BICD1: variants seen among roughly 807,000 people sequenced by gnomAD.
BICD1 encodes BICD cargo adaptor 1, also known as protein bicaudal D homolog 1.
A neutral mutation model predicts 92.5 loss-of-function variants in BICD1; 35 were observed. The observed-to-expected ratio is 0.38, with a 90% CI of 0.29 to 0.50. BICD1 has a LOEUF of 0.50. Ranked by LOEUF, BICD1 falls within the 20% of genes least tolerant of loss-of-function variation. BICD1 has a pLI of 0.93. For synonymous variants in BICD1, 429 were observed against 465.1 expected, an observed-to-expected ratio of 0.92 and a Z score of 1.00; for missense variants, 950 against 1,189.8, an observed-to-expected ratio of 0.80 and a Z score of 2.97.
At chr12:32,324,230 C>T (rs1490450652) in intron 4 of BICD1, among the ~76,000 whole-genome samples, 1 of 151,920 alleles carries the variant, frequency 6.6e-6, no homozygotes, top group African/African-American at 2.4e-5. Context: ...TGGCGTGTGC[C>T]TGTAGTCCCA....
chr12:32,252,199 T>A (rs1312530), intron 2 of BICD1, among the ~76,000 whole-genome samples: 1 of 130,982 alleles, frequency 7.6e-6, no homozygotes, highest in South Asian at 2.2e-4. Flanking sequence ...ACTATATATT[T>A]TATATATATT....
intron 1 of BICD1, among the ~76,000 whole-genome samples, chr12:32,180,514 T>C (rs1476978384): frequency 6.6e-6 from 1 of 151,988 alleles, no homozygotes; most frequent in Non-Finnish European, 1.5e-5. Flanking sequence ...CCCTTGGCTG[T>C]CTTCATTGAT....
chr12:32,320,368 AC>A (rs1180707751), intron 4 of BICD1, among the ~76,000 whole-genome samples: 1 of 152,176 alleles, frequency 6.6e-6, no homozygotes, highest in Non-Finnish European at 1.5e-5. Context: ...GAGGCTGGGC[AC>A]GGTGGCTCAC....
chr12:32,107,182 G>A lies in BICD1; in HGVS notation c.-150G>A. 2 of 738,716 alleles carry A rather than the reference G, an allele frequency of 2.7e-6. No individual in the cohort carries two copies. The highest frequency in any genetic ancestry group is 3.7e-5 in the South Asian group (2 of 53,928). 45.8% of individuals were successfully genotyped at this position (738,716 alleles called of 1,614,324 possible). A position where few individuals can be genotyped will look rare whatever the true frequency, so the allele number is the denominator to read the frequency against. ...CGGTGTAGCTGCCGCTGCCACCAGA[G>A]CCGGCGGGGCATCGCGCTGCTCATT... On this transcript the variant is annotated 5_prime_UTR_variant, in exon 1 of 10. Transcript: ENST00000652176.
intron 1 of BICD1, among the ~76,000 whole-genome samples, chr12:32,162,130 C>G (rs1471390471): frequency 6.6e-6 from 1 of 152,136 alleles, no homozygotes; most frequent in Non-Finnish European, 1.5e-5. Flanking sequence ...AGCCATCCCT[C>G]GGTCTCACAT....
chr12:32,346,125 G>A (rs1353120439), intron 8 of BICD1, among the ~76,000 whole-genome samples: 1 of 152,110 alleles, frequency 6.6e-6, no homozygotes, highest in East Asian at 1.9e-4. Flanking sequence ...CTCCAGGCTG[G>A]GTGACAGAGC....
chr12:32,158,201 G>A (rs111588004), intron 1 of BICD1, among the ~76,000 whole-genome samples: 5,948 of 151,734 alleles, frequency 0.039, 382 homozygotes, highest in African/African-American at 0.13. Flanking sequence ...CGCCTCCCGG[G>A]TTCAAGCGAT....
intron 3 of BICD1, among the ~76,000 whole-genome samples, chr12:32,303,154 C>T (rs1189799216): frequency 6.6e-6 from 1 of 151,898 alleles, no homozygotes; most frequent in Non-Finnish European, 1.5e-5. Context: ...AGGCTGGTCT[C>T]AAACTCCTGT....
In BICD1 at chr12:32,270,160, CTCTA is replaced by C. The variant is rs562541022; in HGVS notation, c.427-23830_427-23827del. Among the ~76,000 whole-genome samples the C allele has an allele frequency of 4.4e-3, 665 of 150,448 alleles. 4 individuals are homozygous for C. Among genetic ancestry groups the C allele is most frequent in the African/African-American group, 0.016 (639 of 40,570 alleles). ...AATTATTATTATTTAGTTTTATCTT[CTCTA>C]TCTGTTAATGAGAGAGACTAAAATA... On this transcript the variant is annotated intron_variant, in intron 2 of 9. Coordinates refer to ENST00000652176, the MANE Select transcript of BICD1 (RefSeq NM_001714.4).
At chr12:32,108,770 T>C in intron 1 of BICD1, 2 of 627,720 alleles carry the variant, frequency 3.2e-6, no homozygotes, top group East Asian at 2.8e-5. Context: ...AAAAAATAAA[T>C]GTACTACCTA....
intron 8 of BICD1, among the ~76,000 whole-genome samples, chr12:32,364,923 A>G (rs1425655174): frequency 6.6e-6 from 1 of 152,110 alleles, no homozygotes; most frequent in Admixed American, 6.6e-5. Flanking sequence ...AGGCAACAGC[A>G]TGACATCCTG....
Position 32,107,279 on chromosome 12 carries a change from C to A in BICD1, c.-53C>A. Reference sequence around the variant, plus strand: ...TCCTTCTCCCTTTCCCCGCCAGCTTCGCATCCATCTCCCCCACCCCGTAAC... The same window carrying A: ...TCCTTCTCCCTTTCCCCGCCAGCTTAGCATCCATCTCCCCCACCCCGTAAC... On this transcript the variant is annotated 5_prime_UTR_variant, in exon 1 of 10. Coordinates refer to ENST00000652176, the MANE Select transcript of BICD1 (RefSeq NM_001714.4). The A allele has an allele frequency of 6.8e-7, 1 of 1,461,164 alleles. No homozygotes were observed. The highest frequency in any genetic ancestry group is 1.2e-5 in the South Asian group (1 of 80,418). The allele number at this position is 1,461,164 out of a possible 1,614,324, so 90.5% of individuals were successfully genotyped here.
intron 8 of BICD1, among the ~76,000 whole-genome samples, chr12:32,346,428 G>A (rs985714619): frequency 6.7e-6 from 1 of 148,186 alleles, no homozygotes; most frequent in Non-Finnish European, 1.5e-5. Context: ...AAGGTGTGGG[G>A]ATCGCTTGAG....
At chr12:32,318,426 A>C (rs61929082) in intron 4 of BICD1, among the ~76,000 whole-genome samples, 21,936 of 151,848 alleles carry the variant, frequency 0.14, 1,686 homozygotes, top group Admixed American at 0.26. Flanking sequence ...GAGGTCCTTC[A>C]CATCCCTTGT....
intron 1 of BICD1, among the ~76,000 whole-genome samples, chr12:32,211,452 GTTTATC>G (rs1945212601): frequency 6.6e-6 from 1 of 152,098 alleles, no homozygotes; most frequent in Non-Finnish European, 1.5e-5. Context: ...CATCTGAAAT[GTTTATC>G]TCCTTTGGTG....
intron 4 of BICD1, among the ~76,000 whole-genome samples, chr12:32,325,686 T>C (rs1478914412): frequency 1.3e-5 from 2 of 152,142 alleles, no homozygotes; most frequent in Non-Finnish European, 2.9e-5. Context: ...TACTTAATGA[T>C]TAATATTTAT....
intron 2 of BICD1, among the ~76,000 whole-genome samples, chr12:32,276,720 G>A (rs1418942255): frequency 6.6e-6 from 1 of 152,138 alleles, no homozygotes; most frequent in Non-Finnish European, 1.5e-5. Flanking sequence ...GCTAAAGAAA[G>A]TTCTGAAGGA....
chr12:32,226,731 C>T (rs1945707700), intron 2 of BICD1, among the ~76,000 whole-genome samples: 1 of 152,140 alleles, frequency 6.6e-6, no homozygotes, highest in Admixed American at 6.5e-5. Context: ...TTCTCCTGTC[C>T]CAGTTGAGAA....
chr12:32,185,680 A>G lies in BICD1; in HGVS notation c.214-30567A>G, dbSNP rs1349807797. ...CGTGCAGGAGAGGGGCTCCCAAATC[A>G]GACAGCCACTCCTGGCATCAATGAC... On this transcript the variant is annotated intron_variant, in intron 1 of 9. Transcript: ENST00000652176. 3.3e-5 allele frequency among the ~76,000 whole-genome samples: 5 copies of G among 152,332 alleles called. 1 individual carries two copies. The highest frequency in any genetic ancestry group is 2.6e-4 in the Admixed American group (4 of 15,300).
Sources: gnomAD v4.1 joint callset for allele counts (sites outside exome capture counted in the v4.1 genomes callset) on GRCh38, gnomAD v4.1.1 for gene constraint, MANE v1.5 for transcripts, NCBI Gene and HGNC (gene_info 2026-07-23, HGNC 2026-07-21) for gene names.